Variants in ANKZF1 observed in about 807,000 individuals in gnomAD.
ANKZF1 encodes ankyrin repeat and zinc finger peptidyl tRNA hydrolase 1, also known as tRNA endonuclease ANKZF1.
Under a neutral mutation model 86.0 loss-of-function variants are expected in ANKZF1, and 84 were observed. The ratio of observed to expected loss-of-function variants is 0.98; its 90% confidence interval spans 0.82 to 1.17. The LOEUF (loss-of-function observed/expected upper bound fraction) is 1.17, where lower values mean the gene tolerates loss of function less well. Among genes scored for constraint, ANKZF1 ranks in the 50% most tolerant of loss-of-function variants. The probability of loss-of-function intolerance (pLI) is 0.00; values close to 1 mark genes in which losing one functional copy is unlikely to be tolerated. For synonymous variants in ANKZF1, 331 were observed against 354.2 expected (o/e 0.93, Z 0.74); for missense variants, 893 against 918.4 (o/e 0.97, Z 0.36).
Position 219,235,576 on chromosome 2 carries a change from C to A in ANKZF1, c.1794C>A (p.Asn598Lys), listed in dbSNP as rs1559258792. Residue 598 changes from asparagine (N) to lysine (K), a missense_variant, in exon 11 of 14, where the codon AAC becomes AAA. Coordinates refer to ENST00000323348, the MANE Select transcript of ANKZF1 (RefSeq NM_018089.3). ...MEKNPDAYDYNKAQVPGPLTP... is the reference protein window; with the variant it reads ...MEKNPDAYDYKKAQVPGPLTP... Reference sequence around the variant, plus strand: ...AGAATCCAGATGCCTACGATTACAACAAGGCTCAGGTCATCTGGAATAGGA... The same window carrying A: ...AGAATCCAGATGCCTACGATTACAAAAAGGCTCAGGTCATCTGGAATAGGA... 1 of 1,613,802 alleles carries A rather than the reference C, an allele frequency of 6.2e-7. No individual in the cohort carries two copies. The highest frequency in any genetic ancestry group is 1.1e-5 in the South Asian group (1 of 91,072).
At chr2:219,233,987 C>G (rs1208611967) in intron 8 of ANKZF1, 44 bp downstream of exon 8, 1 of 1,533,848 alleles carries the variant, frequency 6.5e-7, no homozygotes. Context: ...CCTTCCTGTT[C>G]TCTCCAACCT....
intron 2 of ANKZF1, 141 bp downstream of exon 2, chr2:219,230,546 C>A: frequency 8.6e-7 from 1 of 1,161,724 alleles, no homozygotes; most frequent in Non-Finnish European, 1.2e-6. Flanking sequence ...CACTTAATCT[C>A]TGGGTAATGT....
intron 4 of ANKZF1, 32 bp downstream of exon 4, chr2:219,232,394 T>C: frequency 6.2e-7 from 1 of 1,612,408 alleles, no homozygotes; most frequent in East Asian, 2.2e-5. Flanking sequence ...TATGTAGGAG[T>C]AGGACATGGA....
intron 5 of ANKZF1, 102 bp downstream of exon 5, chr2:219,232,785 G>A: frequency 1.5e-6 from 2 of 1,293,644 alleles, no homozygotes; most frequent in Non-Finnish European, 2.1e-6. Context: ...CTTCCTTCCT[G>A]TTGGTTGTGG....
Position 219,233,168 on chromosome 2 carries a change from C to T in ANKZF1, c.648C>T (p.His216=), listed in dbSNP as rs1275424985. 2.5e-6 allele frequency: 4 copies of T among 1,614,076 alleles called. No homozygotes were observed. The highest frequency in any genetic ancestry group is 3.4e-6 in the Non-Finnish European group (4 of 1,180,042). Reference sequence around the variant, plus strand: ...TGGTGCTCATGGCTGCAGCTGGGCACTTTGCTGGTGCTATATTTCAAGGGT... The same window carrying T: ...TGGTGCTCATGGCTGCAGCTGGGCATTTTGCTGGTGCTATATTTCAAGGGT... ...DCVVLMAAAG[H]FAGAIFQGRE... The change falls in exon 6 of 14, where the codon CAC becomes CAT. Residue 216 remains histidine (H), a synonymous_variant. Transcript: ENST00000323348.
At chr2:219,230,142 A>G (rs1559250324) in intron 1 of ANKZF1, 86 bp from the exon 2 acceptor site, 14 of 1,195,118 alleles carry the variant, frequency 1.2e-5, no homozygotes, top group South Asian at 4.5e-5. Flanking sequence ...CTTGCGGTGC[A>G]GGAGAAACCA....
At position 219,233,168 on chromosome 2, in the gene ANKZF1, C is replaced by G. The variant is rs1275424985; in HGVS notation, c.648C>G (p.His216Gln). The change falls in exon 6 of 14, where the codon CAC (histidine) becomes CAG (glutamine). Residue 216 changes from histidine to glutamine, a missense_variant. His to Gln is a conservative substitution (Grantham distance 24). Transcript: ENST00000323348. ...TGGTGCTCATGGCTGCAGCTGGGCACTTTGCTGGTGCTATATTTCAAGGGT... is the reference window on the plus strand; with the variant it reads ...TGGTGCTCATGGCTGCAGCTGGGCAGTTTGCTGGTGCTATATTTCAAGGGT... ...DCVVLMAAAG[H>Q]FAGAIFQGRE... 1.9e-6 allele frequency: 3 copies of G among 1,614,194 alleles called. No individual in the cohort carries two copies. The highest frequency in any genetic ancestry group is 2.5e-6 in the Non-Finnish European group (3 of 1,180,034).
At chr2:219,234,433 GT>G in intron 9 of ANKZF1, 145 bp downstream of exon 9, 3 of 1,050,630 alleles carry the variant, frequency 2.9e-6, no homozygotes, top group Non-Finnish European at 4.4e-6. Context: ...GACATGTTTA[GT>G]GACCTTTCCA....
At position 219,236,096 on chromosome 2, in the gene ANKZF1, G is replaced by T. The variant is rs951607894; in HGVS notation, c.2057+1G>T. On this transcript the variant is annotated splice_donor_variant, in intron 13 of 13. Transcript: ENST00000323348. LOFTEE classifies it high-confidence loss of function. ...CTGACTCTGCAATCGTCAATACTCG[G>T]TATGGGGTGCGGGATGAGGGAGTGG... 6.2e-7 allele frequency: 1 copy of T among 1,614,192 alleles called. No homozygotes were observed. Among genetic ancestry groups the T allele is most frequent in the South Asian group, 1.1e-5 (1 of 91,088 alleles).
rs765784799 is a variant in ANKZF1 at position 219,230,427 on chromosome 2, G to A, written c.148+22G>A. The A allele has an allele frequency of 5.0e-6, 8 of 1,591,136 alleles. No individual in the cohort carries two copies. In the South Asian group the frequency reaches 8.9e-5, roughly 18 times the overall value. On this transcript the variant is annotated intron_variant, in intron 2 of 13. Transcript: ENST00000323348. ...TCAGGTATCCTGGAAGGTTTCGTGT[G>A]AAACGTGACAGGGCTCCTTACAGCG... is the stretch of plus-strand genomic sequence containing the variant.
intron 3 of ANKZF1, 78 bp from the exon 4 acceptor site, chr2:219,232,182 C>T: frequency 6.7e-7 from 1 of 1,484,612 alleles, no homozygotes; most frequent in Non-Finnish European, 9.4e-7. Flanking sequence ...TCCTAGAATA[C>T]TATAACTGGT....
Position 219,232,657 on chromosome 2 carries a change from T to A in ANKZF1, c.532T>A (p.Tyr178Asn). 6.2e-7 allele frequency: 1 copy of A among 1,614,152 alleles called. No homozygotes were observed. Among genetic ancestry groups the A allele is most frequent in the Non-Finnish European group, 8.5e-7 (1 of 1,180,030 alleles). The change falls in exon 5 of 14, where the codon TAC becomes AAC. Residue 178 changes from tyrosine to asparagine, a missense_variant. By Grantham distance (143) the Tyr-to-Asn change is moderately radical. Coordinates refer to ENST00000323348, the MANE Select transcript of ANKZF1 (RefSeq NM_018089.3). ...QNAQGQFLYAYRCVLGPHQDP... is the reference protein window; with the variant it reads ...QNAQGQFLYANRCVLGPHQDP... Reference sequence around the variant, plus strand: ...TGCCCAGGGCCAGTTTCTTTATGCCTACCGCTGTGTCCTAGGCCCTCATCA... The same window carrying A: ...TGCCCAGGGCCAGTTTCTTTATGCCAACCGCTGTGTCCTAGGCCCTCATCA...
At chr2:219,234,778 CCT>C in intron 9 of ANKZF1, 46 bp from the exon 10 acceptor site, 1 of 1,549,664 alleles carries the variant, frequency 6.5e-7, no homozygotes, top group Non-Finnish European at 8.7e-7. Flanking sequence ...CTGCTTCTAC[CCT>C]CTGAGTACTC....
In ANKZF1 at chr2:219,234,812, A is replaced by G. The variant is rs1951154759; in HGVS notation, c.1205-14A>G. Reference sequence around the variant, plus strand: ...ACTCCCTAGATGGATTTCACATGTCAGGTTTTTCCCTAGGTTCAGGGTCGG... The same window carrying G: ...ACTCCCTAGATGGATTTCACATGTCGGGTTTTTCCCTAGGTTCAGGGTCGG... On this transcript the variant is annotated splice_polypyrimidine_tract_variant and intron_variant, in intron 9 of 13. Transcript: ENST00000323348. 1 of 1,597,482 alleles carries G rather than the reference A, an allele frequency of 6.3e-7. No individual in the cohort carries two copies. Among genetic ancestry groups the G allele is most frequent in the Non-Finnish European group, 8.5e-7 (1 of 1,170,902 alleles).
At chr2:219,234,495 T>G in intron 9 of ANKZF1, 5 of 717,168 alleles carry the variant, frequency 7.0e-6, no homozygotes, top group South Asian at 1.8e-5. Context: ...AAGAAAATCT[T>G]TGTGTGGAGC....
In ANKZF1 at chr2:219,230,295, C is replaced by T; in HGVS notation, c.38C>T (p.Ser13Leu). The change falls in exon 2 of 14, where the codon TCG (serine) becomes TTG (leucine). Residue 13 changes from serine to leucine, a missense_variant. By Grantham distance (145) the Ser-to-Leu change is moderately radical. Coordinates refer to ENST00000323348, the MANE Select transcript of ANKZF1 (RefSeq NM_018089.3). ...CCAGATGCAGCCCCGGCTCCTGCGT[C>T]GATCTCCCTGTTTGACCTCAGCGCG... ...PAPDAAPAPA[S>L]ISLFDLSADA... 2.5e-6 allele frequency: 4 copies of T among 1,614,018 alleles called. No homozygotes were observed. Among genetic ancestry groups the T allele is most frequent in the Non-Finnish European group, 3.4e-6 (4 of 1,179,952 alleles).
At chr2:219,232,386 T>C (rs572744276) in intron 4 of ANKZF1, 24 bp downstream of exon 4, 3 of 1,613,016 alleles carry the variant, frequency 1.9e-6, no homozygotes, top group Non-Finnish European at 2.5e-6. Flanking sequence ...GGGGGACCTA[T>C]GTAGGAGTAG....
Position 219,235,594 on chromosome 2 carries a change from G to C in ANKZF1, c.1803+9G>C, listed in dbSNP as rs1951190549. ...ATTACAACAAGGCTCAGGTCATCTG[G>C]AATAGGAAGGACAAGCAGAGTGGGA... On this transcript the variant is annotated intron_variant, in intron 11 of 13. Transcript: ENST00000323348. The C allele has an allele frequency of 6.2e-7, 1 of 1,613,822 alleles. No homozygotes were observed.
At position 219,236,203 on chromosome 2, in the gene ANKZF1, T is replaced by C. The variant is rs1193957032; in HGVS notation, c.2057+108T>C. ...TATTCAGAAGGGTGGTTGAGGGAAT[T>C]TGGGATGTTCTGGCAGATGCTGCAG... On this transcript the variant is annotated intron_variant, in intron 13 of 13. Transcript: ENST00000323348. The C allele has an allele frequency of 1.2e-5, 19 of 1,601,566 alleles. No individual in the cohort carries two copies. In the Admixed American group the frequency reaches 1.5e-4, roughly 13 times the overall value.
Sources: allele counts gnomAD v4.1 joint callset, GRCh38; gene constraint gnomAD v4.1.1; transcripts MANE v1.5; gene names NCBI Gene and HGNC (gene_info 2026-07-23, HGNC 2026-07-21).